Variants in MMAB observed in about 807,000 individuals in gnomAD.
MMAB encodes the protein corrinoid adenosyltransferase MMAB.
A neutral mutation model predicts 30.6 loss-of-function variants in MMAB; 17 were observed. That is an observed-to-expected ratio of 0.56 (90% CI 0.38 to 0.83). The LOEUF is 0.83. Ranked by LOEUF, MMAB falls within the 40% of genes least tolerant of loss-of-function variation. The pLI, the probability that MMAB is intolerant of heterozygous loss-of-function variation, is 0.00. For synonymous variants in MMAB, 134 were observed against 138.6 expected, an observed-to-expected ratio of 0.97 and a Z score of 0.23; for missense variants, 311 against 331.6, an observed-to-expected ratio of 0.94 and a Z score of 0.48.
At position 109,553,816 on chromosome 12, in the gene MMAB, A is replaced by T; in HGVS notation, c.*3212T>A. ...AAGGTTCAGTAGTGATCACTGGGACAGGGCGATCATAAAACTGAATGGGCT... is the reference window on the plus strand; with the variant it reads ...AAGGTTCAGTAGTGATCACTGGGACTGGGCGATCATAAAACTGAATGGGCT... On this transcript the variant is annotated 3_prime_UTR_variant, in exon 9 of 9. Coordinates refer to ENST00000545712, the MANE Select transcript of MMAB (RefSeq NM_052845.4). 1 of 452,832 alleles carries T rather than the reference A, an allele frequency of 2.2e-6. No individual in the cohort carries two copies. Among genetic ancestry groups the T allele is most frequent in the South Asian group, 1.6e-5 (1 of 64,474 alleles). The allele number at this position is 452,832 out of a possible 1,614,324, so 28.1% of individuals were successfully genotyped here.
rs758317384 is a variant in MMAB at position 109,561,585 on chromosome 12, C to A, written c.422-68G>T. On this transcript the variant is annotated intron_variant, in intron 5 of 8. Coordinates refer to ENST00000545712, the MANE Select transcript of MMAB (RefSeq NM_052845.4). The surrounding 1 kb of genome is among the most constrained non-coding windows in gnomAD (Gnocchi z 5.3). ...CCCACCAGACCATGGCGGGAACCAC[C>A]CCCGCCGCCCTTCCACCTGGGTGTC... 4.4e-5 allele frequency: 61 copies of A among 1,377,012 alleles called. No individual in the cohort carries two copies. The highest frequency in any genetic ancestry group is 4.4e-4 in the Middle Eastern group (2 of 4,500). 85.3% of individuals were successfully genotyped at this position (1,377,012 alleles called of 1,614,324 possible).
In MMAB at chr12:109,572,411, A is replaced by ATTTT. The variant is rs34992643; in HGVS notation, c.135-705_135-702dup. On this transcript the variant is annotated intron_variant, in intron 1 of 8. Transcript: ENST00000545712. Reference sequence around the variant, plus strand: ...GGGTGTATACCACCACACCCAGCTAATTTTTTTTTTTTTTTTTTTTTGGTA... The same window carrying ATTTT: ...GGGTGTATACCACCACACCCAGCTAATTTTTTTTTTTTTTTTTTTTTTTTTGGTA... Among the ~76,000 whole-genome samples the ATTTT allele has an allele frequency of 1.0e-4, 12 of 119,026 alleles. 1 individual carries two copies. The highest frequency in any genetic ancestry group is 2.7e-4 in the Admixed American group (3 of 11,320). The allele number at this position is 119,026 out of a possible 152,430, so 78.1% of individuals were successfully genotyped here. A position where few individuals can be genotyped will look rare whatever the true frequency, so the allele number is the denominator to read the frequency against.
Position 109,557,096 on chromosome 12 carries a change from T to C in MMAB, c.685A>G (p.Met229Val), listed in dbSNP as rs371960953. The part of the protein sequence containing the change: ...YLFTLARYAA[M>V]KEGNQEKIYM... The stretch of plus-strand genomic sequence containing the variant: ...ATTTTCTCTTGATTCCCCTCCTTCA[T>C]GGCTGCATATCTGGCTAGCGTGAAG... Residue 229 changes from methionine (M) to valine (V), a missense_variant, in exon 9 of 9, where the codon ATG (methionine) becomes GTG (valine). Transcript: ENST00000545712. 3.2e-5 allele frequency: 52 copies of C among 1,613,788 alleles called. No homozygotes were observed. Among genetic ancestry groups the C allele is most frequent in the African/African-American group, 5.3e-5 (4 of 74,930 alleles).
chr12:109,559,119 C>A lies in MMAB; in HGVS notation c.621G>T (p.Ala207=). The A allele has an allele frequency of 6.2e-7, 1 of 1,613,898 alleles. No homozygotes were observed. The highest frequency in any genetic ancestry group is 8.5e-7 in the Non-Finnish European group (1 of 1,179,894). The change falls in exon 8 of 9, where the codon GCG becomes GCT. Residue 207 remains alanine (A), a synonymous_variant. Coordinates refer to ENST00000545712, the MANE Select transcript of MMAB (RefSeq NM_052845.4). ...VPLVQMGETD[A]NVAKFLNRLS... ...ACCTGTTTAAGAACTTGGCCACGTT[C>A]GCATCGGTCTCTCCCATCTGGACAA... is the stretch of plus-strand genomic sequence containing the variant.
At position 109,556,338 on chromosome 12, in the gene MMAB, G is replaced by C; in HGVS notation, c.*690C>G. The C allele has an allele frequency of 2.2e-6, 1 of 453,890 alleles. No individual in the cohort carries two copies. 28.1% of individuals were successfully genotyped at this position (453,890 alleles called of 1,614,324 possible). A position where few individuals can be genotyped will look rare whatever the true frequency, so the allele number is the denominator to read the frequency against. On this transcript the variant is annotated 3_prime_UTR_variant, in exon 9 of 9. Transcript: ENST00000545712. ...GGAATGTTCACCTTCAAGTGGTAGT[G>C]TTGTTCTCATCAGCATCTCCATCCC...
At chr12:109,567,151 C>G (rs1473850139) in intron 3 of MMAB, 1 of 365,806 alleles carries the variant, frequency 2.7e-6, no homozygotes, top group Non-Finnish European at 5.5e-6. Flanking sequence ...GTCTGGGCAA[C>G]AAGCGCGAAA....
At chr12:109,559,206 C>T in intron 7 of MMAB, 51 bp from the exon 8 acceptor site, 1 of 1,398,230 alleles carries the variant, frequency 7.2e-7, no homozygotes, top group Non-Finnish European at 1.0e-6. Flanking sequence ...GCTCAACAGG[C>T]TCTGACCTGG....
At chr12:109,562,513 G>A (rs1261752637) in intron 4 of MMAB, among the ~76,000 whole-genome samples, 1 of 152,192 alleles carries the variant, frequency 6.6e-6, no homozygotes, top group African/African-American at 2.4e-5. Flanking sequence ...TCCCATGGGG[G>A]CAGCAGCTGG....
intron 3 of MMAB, chr12:109,567,756 T>C (rs1884488065): frequency 6.6e-6 from 1 of 152,240 alleles, no homozygotes; most frequent in Admixed American, 6.5e-5. Context: ...CTCAGCTTTC[T>C]GAGTAGCTGG....
intron 7 of MMAB, among the ~76,000 whole-genome samples, chr12:109,560,364 A>T (rs1884149827): frequency 6.6e-6 from 1 of 152,204 alleles, no homozygotes; most frequent in Non-Finnish European, 1.5e-5. Context: ...CCTCTCTCCC[A>T]GGGCTATCAA....
At position 109,555,020 on chromosome 12, in the gene MMAB, G is replaced by T. The variant is rs1007425457; in HGVS notation, c.*2008C>A. On this transcript the variant is annotated 3_prime_UTR_variant, in exon 9 of 9. Transcript: ENST00000545712. ...TGTGACACCCGGTCCTGGAAGGACA[G>T]GACTTGGCAACAGGTGAACGGCCTT... is the stretch of plus-strand genomic sequence containing the variant. The T allele has an allele frequency of 4.4e-6, 2 of 454,134 alleles. No individual in the cohort carries two copies. Among genetic ancestry groups the T allele is most frequent in the Admixed American group, 4.7e-5 (2 of 42,576 alleles). The allele number at this position is 454,134 out of a possible 1,614,324, so 28.1% of individuals were successfully genotyped here.
At chr12:109,559,840 G>A (rs7964021) in intron 7 of MMAB, among the ~76,000 whole-genome samples, 1 of 152,038 alleles carries the variant, frequency 6.6e-6, no homozygotes. Flanking sequence ...AGCGGCCCAG[G>A]AGGGTGTGCA....
rs1403105755 is a variant in MMAB, at chr12:109,556,123, AGCAGGAGG to A, written c.*897_*904del. On this transcript the variant is annotated 3_prime_UTR_variant, in exon 9 of 9. Coordinates refer to ENST00000545712, the MANE Select transcript of MMAB (RefSeq NM_052845.4). Reference sequence around the variant, plus strand: ...GCTGGCACTGGCAGTGTCGTTTCATAGCAGGAGGGAGCAGCAGTGACAACTGAAATAAA... The same window carrying A: ...GCTGGCACTGGCAGTGTCGTTTCATAGAGCAGCAGTGACAACTGAAATAAA... 6.6e-6 allele frequency: 3 copies of A among 453,466 alleles called. No homozygotes were observed. Among genetic ancestry groups the A allele is most frequent in the Non-Finnish European group, 1.3e-5 (3 of 226,364 alleles). 28.1% of individuals were successfully genotyped at this position (453,466 alleles called of 1,614,324 possible).
chr12:109,561,395 C>T lies in MMAB; in HGVS notation c.519+25G>A, dbSNP rs201526124. The T allele has an allele frequency of 4.6e-5, 72 of 1,549,164 alleles. 1 individual carries two copies. The East Asian group carries it at 1.4e-3, about 30-fold the overall frequency. On this transcript the variant is annotated intron_variant, in intron 6 of 8. Transcript: ENST00000545712. This position sits in a 1 kb window ranked among gnomAD's most constrained non-coding sequence, Gnocchi z 5.3. ...TCACTGAACCTGCCTGCAGCCGCCC[C>T]CGGTTAAGCCTGCCCAGTACCTACA...
Position 109,553,887 on chromosome 12 carries a change from G to T in MMAB, c.*3141C>A. ...CAGCAAGGGTGACATTGCCACTGAC[G>T]GGGGCTTCCGAACTGGGGACGTTTG... On this transcript the variant is annotated 3_prime_UTR_variant, in exon 9 of 9. Coordinates refer to ENST00000545712, the MANE Select transcript of MMAB (RefSeq NM_052845.4). 2.2e-6 allele frequency: 1 copy of T among 454,118 alleles called. No homozygotes were observed. Among genetic ancestry groups the T allele is most frequent in the Non-Finnish European group, 4.4e-6 (1 of 226,804 alleles). The allele number at this position is 454,118 out of a possible 1,614,324, so 28.1% of individuals were successfully genotyped here.
At position 109,555,155 on chromosome 12, in the gene MMAB, A is replaced by T. The variant is rs950475194; in HGVS notation, c.*1873T>A. The T allele has an allele frequency of 1.6e-5, 6 of 380,466 alleles. No homozygotes were observed. Among genetic ancestry groups the T allele is most frequent in the African/African-American group, 1.0e-4 (5 of 47,734 alleles). The allele number at this position is 380,466 out of a possible 1,614,324, so 23.6% of individuals were successfully genotyped here. On this transcript the variant is annotated 3_prime_UTR_variant, in exon 9 of 9. Transcript: ENST00000545712. ...GCATGCAGGGCTGCTGTGTTATTTT[A>T]TATATATATATATATTCCAGGAAGA...
At chr12:109,571,522 G>T (rs1366272935) in intron 2 of MMAB, 127 bp downstream of exon 2, 10 of 843,170 alleles carry the variant, frequency 1.2e-5, no homozygotes, top group Non-Finnish European at 1.6e-5. Flanking sequence ...AAAGTGCCGG[G>T]ATTACAGGCA....
Position 109,561,245 on chromosome 12 carries a change from G to C in MMAB, c.520-141C>G, listed in dbSNP as rs780680240. ...GAGCCCTGCCACGGCACACCCACCG[G>C]GCACGCTGCTCCAGAGTGGGCAGGG... is the stretch of plus-strand genomic sequence containing the variant. On this transcript the variant is annotated intron_variant, in intron 6 of 8. Transcript: ENST00000545712. This position sits in a 1 kb window ranked among gnomAD's most constrained non-coding sequence, Gnocchi z 5.3. 1.3e-6 allele frequency: 2 copies of C among 1,590,528 alleles called. No individual in the cohort carries two copies. Among genetic ancestry groups the C allele is most frequent in the Non-Finnish European group, 1.7e-6 (2 of 1,175,964 alleles).
chr12:109,569,850 T>G lies in MMAB; in HGVS notation c.197-987A>C, dbSNP rs1884575158. 6.2e-6 allele frequency: 1 copy of G among 160,424 alleles called. No homozygotes were observed. Among genetic ancestry groups the G allele is most frequent in the Non-Finnish European group, 1.4e-5 (1 of 72,502 alleles). 9.9% of individuals were successfully genotyped at this position (160,424 alleles called of 1,614,324 possible). ...TGAGCACAGACGACTGTGTCCAAAC[T>G]CCAAAAGATGACCAAACCTCCCCCT... On this transcript the variant is annotated intron_variant, in intron 2 of 8. Transcript: ENST00000545712. The surrounding 1 kb of genome is among the most constrained non-coding windows in gnomAD (Gnocchi z 4.1).
Sources: gnomAD v4.1 joint callset for allele counts (sites outside exome capture counted in the v4.1 genomes callset) on GRCh38, gnomAD v4.1.1 for gene constraint, Gnocchi (gnomAD v3.1) non-coding constraint, MANE v1.5 for transcripts, NCBI Gene and HGNC (gene_info 2026-07-23, HGNC 2026-07-21) for gene names.